The following PUS7 variants were observed in gnomAD, a reference collection of about 807,000 sequenced individuals.
PUS7 encodes the protein pseudouridine synthase 7, also known as pseudouridylate synthase 7 homolog.
A neutral mutation model predicts 79.8 loss-of-function variants in PUS7; 48 were observed. The observed-to-expected ratio is 0.60, with a 90% CI of 0.48 to 0.76. The LOEUF (loss-of-function observed/expected upper bound fraction) is 0.76, where lower values mean the gene tolerates loss of function less well. Ranked by LOEUF, PUS7 falls within the 30% of genes least tolerant of loss-of-function variation. The pLI is 0.00. For synonymous variants in PUS7, 286 were observed against 272.2 expected (o/e 1.05, Z -0.50); for missense variants, 729 against 797.6 (o/e 0.91, Z 1.04).
intron 14 of PUS7, among the ~76,000 whole-genome samples, chr7:105,460,636 C>T (rs1394701911): frequency 2.6e-5 from 4 of 151,594 alleles, no homozygotes; most frequent in Non-Finnish European, 5.9e-5. Flanking sequence ...GGGCGGATCA[C>T]GAGGTCAGGA....
chr7:105,482,116 C>G (rs958725411), intron 8 of PUS7, among the ~76,000 whole-genome samples, 196 bp downstream of exon 8: 14 of 152,212 alleles, frequency 9.2e-5, no homozygotes, highest in African/African-American at 3.4e-4. Flanking sequence ...GGTGTCCACA[C>G]AAATCCTACA....
chr7:105,506,493 A>G (rs190225805), intron 2 of PUS7, among the ~76,000 whole-genome samples: 9,032 of 147,650 alleles, frequency 0.061, 345 homozygotes, highest in South Asian at 0.15. Context: ...CTCGATCTCC[A>G]CTCACTGCAA....
chr7:105,469,839 C>A (rs1294362827), intron 11 of PUS7, among the ~76,000 whole-genome samples: 1 of 151,988 alleles, frequency 6.6e-6, no homozygotes. Flanking sequence ...GTGATCTGCC[C>A]ACCTTGGCCT....
At chr7:105,503,534 A>C (rs143057077) in intron 4 of PUS7, among the ~76,000 whole-genome samples, 2 of 152,344 alleles carry the variant, frequency 1.3e-5, no homozygotes, top group Non-Finnish European at 2.9e-5. Context: ...TACAACCACA[A>C]ATGTGTGTGT....
chr7:105,500,561 G>T (rs3735368), intron 5 of PUS7, among the ~76,000 whole-genome samples: 6 of 152,138 alleles, frequency 3.9e-5, no homozygotes, highest in African/African-American at 1.4e-4. Context: ...AGCAGAGTAA[G>T]ACCTTGCCTT....
chr7:105,502,500 C>A lies in PUS7; in HGVS notation c.650G>T (p.Gly217Val), dbSNP rs754284904. 1.9e-6 allele frequency: 3 copies of A among 1,613,738 alleles called. No individual in the cohort carries two copies. Among genetic ancestry groups the A allele is most frequent in the South Asian group, 2.2e-5 (2 of 91,080 alleles). ...CCTATCCTCTGTTTTTGTCTCTAATCCTGGAAACAGAGATTTGATAGCCTG... is the reference window on the plus strand; with the variant it reads ...CCTATCCTCTGTTTTTGTCTCTAATACTGGAAACAGAGATTTGATAGCCTG... ...IHQAIKSLFPGLETKTEDREG... is the reference protein window; with the variant it reads ...IHQAIKSLFPVLETKTEDREG... Residue 217 changes from glycine (G) to valine (V), a missense_variant, in exon 5 of 16, where the codon GGA (glycine) becomes GTA (valine). Physicochemically the swap from Gly to Val is moderately radical, Grantham distance 109. Coordinates refer to ENST00000469408, the MANE Select transcript of PUS7 (RefSeq NM_019042.5).
chr7:105,488,057 T>C (rs765542627), intron 7 of PUS7, among the ~76,000 whole-genome samples: 9 of 152,172 alleles, frequency 5.9e-5, no homozygotes, highest in Non-Finnish European at 1.0e-4. Flanking sequence ...ATAAGTGCTG[T>C]GTGCTTTCAG....
Position 105,508,128 on chromosome 7 carries a change from T to C in PUS7, c.385A>G (p.Ile129Val). The C allele has an allele frequency of 1.2e-6, 2 of 1,610,012 alleles. No homozygotes were observed. The highest frequency in any genetic ancestry group is 8.5e-7 in the Non-Finnish European group (1 of 1,178,044). Residue 129 changes from isoleucine to valine, a missense_variant, in exon 2 of 16, where the codon ATC (isoleucine) becomes GTC (valine). Ile to Val is a conservative substitution (Grantham distance 29). Transcript: ENST00000469408. ...AACTAAATGTACCTTTCTTTTAAGA[T>C]TCCCGAGAACCCTTGATGAGAACTC... ...FVSSHQGFSG[I>V]LKERYSDFVV...
At chr7:105,461,576 C>T (rs1377927636) in intron 14 of PUS7, among the ~76,000 whole-genome samples, 2 of 152,068 alleles carry the variant, frequency 1.3e-5, no homozygotes, top group Non-Finnish European at 1.5e-5. Flanking sequence ...GTAGTGGTAA[C>T]AATAGTAGTA....
intron 5 of PUS7, among the ~76,000 whole-genome samples, chr7:105,496,224 T>TAGAGAGAGAG (rs1562809031): frequency 5.4e-4 from 45 of 83,994 alleles, no homozygotes; most frequent in Admixed American, 7.5e-4. Flanking sequence ...TATATATATA[T>TAGAGAGAGAG]ATAGAGAGAG....
chr7:105,521,595 T>C (rs1826115748), intron 1 of PUS7, among the ~76,000 whole-genome samples: 1 of 152,154 alleles, frequency 6.6e-6, no homozygotes, highest in Non-Finnish European at 1.5e-5. Context: ...GTGGAACACG[T>C]GGGCTGGACC....
intron 7 of PUS7, among the ~76,000 whole-genome samples, chr7:105,485,795 T>G (rs912266409): frequency 6.6e-6 from 1 of 152,200 alleles, no homozygotes; most frequent in Non-Finnish European, 1.5e-5. Context: ...TTGCTTTAAG[T>G]GCTATATCTC....
chr7:105,465,417 G>A lies in PUS7; in HGVS notation c.1526-3C>T, dbSNP rs777048934. 6 of 1,589,658 alleles carry A rather than the reference G, an allele frequency of 3.8e-6. No homozygotes were observed. In the East Asian group the frequency reaches 8.9e-5, roughly 24 times the overall value. On this transcript the variant is annotated splice_polypyrimidine_tract_variant and splice_region_variant and intron_variant, in intron 12 of 15. Coordinates refer to ENST00000469408, the MANE Select transcript of PUS7 (RefSeq NM_019042.5). ...TTCCTCAATATAGGTGGCTGTGGCT[G>A]TAAATTCACAAGTGAACAATAAATT... is the stretch of plus-strand genomic sequence containing the variant.
chr7:105,474,394 A>C (rs181130070), intron 9 of PUS7, among the ~76,000 whole-genome samples: 9 of 152,314 alleles, frequency 5.9e-5, no homozygotes, highest in African/African-American at 2.2e-4. Flanking sequence ...CTTTTAGCCA[A>C]TACTGACAAA....
chr7:105,509,527 G>C (rs1379590163), intron 1 of PUS7, among the ~76,000 whole-genome samples: 1 of 152,152 alleles, frequency 6.6e-6, no homozygotes, highest in Non-Finnish European at 1.5e-5. Context: ...CTGGTGTGCA[G>C]TGGCATGATC....
intron 1 of PUS7, among the ~76,000 whole-genome samples, chr7:105,520,676 C>T (rs867177448): frequency 6.6e-6 from 1 of 152,098 alleles, no homozygotes; most frequent in African/African-American, 2.4e-5. Flanking sequence ...GAGCCAAGAT[C>T]GTGCCATTGC....
At chr7:105,480,192 C>G (rs1285425666) in intron 9 of PUS7, among the ~76,000 whole-genome samples, 1 of 152,054 alleles carries the variant, frequency 6.6e-6, no homozygotes, top group African/African-American at 2.4e-5. Context: ...AAAAATAGGG[C>G]TGGGCGTAGT....
At chr7:105,462,488 G>T in intron 14 of PUS7, 133 bp downstream of exon 14, 7 of 923,992 alleles carry the variant, frequency 7.6e-6, no homozygotes, top group Non-Finnish European at 1.1e-5. Flanking sequence ...ATAATCTTAT[G>T]ATACCACCAT....
chr7:105,512,929 C>A (rs1562822106), intron 1 of PUS7, among the ~76,000 whole-genome samples: 1 of 152,158 alleles, frequency 6.6e-6, no homozygotes, highest in Non-Finnish European at 1.5e-5. Flanking sequence ...GAGAAGGTGA[C>A]AAATGTGGGA....
Sources: gnomAD v4.1 joint callset for allele counts (sites outside exome capture counted in the v4.1 genomes callset) on GRCh38, gnomAD v4.1.1 for gene constraint, MANE v1.5 for transcripts, NCBI Gene and HGNC (gene_info 2026-07-23, HGNC 2026-07-21) for gene names.